Variants in CLEC10A observed in about 807,000 individuals in gnomAD.
CLEC10A encodes C-type lectin domain family 10 member A.
In CLEC10A, 38 loss-of-function variants were observed where a neutral mutation model predicts 42.0. The observed-to-expected ratio is 0.90, with a 90% CI of 0.70 to 1.18. The LOEUF (loss-of-function observed/expected upper bound fraction) is 1.18. Ranked by LOEUF, CLEC10A falls within the 50% of genes most tolerant of loss-of-function variation. The probability of loss-of-function intolerance (pLI) is 0.00; values close to 1 mark genes in which losing one functional copy is unlikely to be tolerated. For missense variants in CLEC10A, 298 were observed against 345.9 expected, an observed-to-expected ratio of 0.86 and a Z score of 1.10; for synonymous variants, 126 against 139.9, an observed-to-expected ratio of 0.90 and a Z score of 0.70.
In CLEC10A at chr17:7,078,073, A is replaced by G; in HGVS notation, c.108T>C (p.Ser36=). 5 of 1,613,942 alleles carry G rather than the reference A, an allele frequency of 3.1e-6. No homozygotes were observed. Among genetic ancestry groups the G allele is most frequent in the Non-Finnish European group, 4.2e-6 (5 of 1,179,882 alleles). The change falls in exon 3 of 9, where the codon TCT becomes TCC. Residue 36 remains serine (S), a synonymous_variant. Transcript: ENST00000416562. The part of the protein sequence containing the change: ...PLQSLLQRLC[S]GPCHLLLSLG... ...GGGACAGCAGGAGATGGCAGGGCCC[A>G]GAGCAGAGACGCTGCAGGAGGGACT... is the stretch of plus-strand genomic sequence containing the variant.
Position 7,076,854 on chromosome 17 carries a change from C to G in CLEC10A, c.280+38G>C, listed in dbSNP as rs767430516. The G allele has an allele frequency of 1.9e-5, 30 of 1,613,708 alleles. No individual in the cohort carries two copies. In the Admixed American group the frequency reaches 3.3e-4, roughly 18 times the overall value. ...AGGGGTCAACTTCCTCCTCCCTGGC[C>G]TGGCCCCAGCCCAGAGCCCCATCCA... On this transcript the variant is annotated intron_variant, in intron 4 of 8. Coordinates refer to ENST00000416562, the MANE Select transcript of CLEC10A (RefSeq NM_001330070.2).
In CLEC10A at chr17:7,076,788, T is replaced by G. The variant is rs1200113400; in HGVS notation, c.297A>C (p.Glu99Asp). The G allele has an allele frequency of 1.2e-6, 2 of 1,613,784 alleles. No individual in the cohort carries two copies. Among genetic ancestry groups the G allele is most frequent in the Admixed American group, 3.3e-5 (2 of 59,986 alleles). Reference sequence around the variant, plus strand: ...CCTCAGCTTTCAGAGATGCTATCGTTTCTTCCAAGCTGCTGCCTGGAGGAC... The same window carrying G: ...CCTCAGCTTTCAGAGATGCTATCGTGTCTTCCAAGCTGCTGCCTGGAGGAC... ...ALTSQGSSLE[E>D]TIASLKAEVE... Residue 99 changes from glutamate (E) to aspartate (D), a missense_variant, in exon 5 of 9, where the codon GAA (glutamate) becomes GAC (aspartate). By Grantham distance (45) the Glu-to-Asp change is conservative. Coordinates refer to ENST00000416562, the MANE Select transcript of CLEC10A (RefSeq NM_001330070.2).
chr17:7,079,005 A>C, intron 1 of CLEC10A, 120 bp from the exon 2 acceptor site: 1 of 615,210 alleles, frequency 1.6e-6, no homozygotes, highest in Non-Finnish European at 2.9e-6. Context: ...CTGGGTTTGC[A>C]GTCGAGTTAG....
intron 7 of CLEC10A, 27 bp from the exon 8 acceptor site, chr17:7,075,493 C>G (rs939574132): frequency 1.3e-6 from 2 of 1,522,496 alleles, no homozygotes; most frequent in African/African-American, 2.8e-5. Flanking sequence ...GCAGTGGTGA[C>G]TTCTTCCCAT....
Position 7,076,820 on chromosome 17 carries a change from A to G in CLEC10A, c.281-16T>C. ...AAGCTGCTGCCTGGAGGACACGGAG[A>G]CTTGGCTTAGGGGTCAACTTCCTCC... On this transcript the variant is annotated splice_polypyrimidine_tract_variant and intron_variant, in intron 4 of 8. Transcript: ENST00000416562. The G allele has an allele frequency of 6.2e-7, 1 of 1,613,732 alleles. No individual in the cohort carries two copies. The highest frequency in any genetic ancestry group is 8.5e-7 in the Non-Finnish European group (1 of 1,179,916).
chr17:7,076,445 A>G (rs1239601465), intron 5 of CLEC10A, among the ~76,000 whole-genome samples: 1 of 150,300 alleles, frequency 6.7e-6, no homozygotes, highest in African/African-American at 2.5e-5. Flanking sequence ...CTAGTAGCTG[A>G]GATTACAGGC....
intron 1 of CLEC10A, among the ~76,000 whole-genome samples, chr17:7,079,767 G>A (rs1399440784): frequency 6.6e-6 from 1 of 151,708 alleles, no homozygotes; most frequent in Non-Finnish European, 1.5e-5. Context: ...GTTGTGCAAC[G>A]AGGCCGTCTC....
intron 8 of CLEC10A, 59 bp downstream of exon 8, chr17:7,075,301 A>AGATCCCT: frequency 6.6e-7 from 1 of 1,507,012 alleles, no homozygotes; most frequent in Non-Finnish European, 8.9e-7. Context: ...GCTGCCAGTC[A>AGATCCCT]GATCCCTGGG....
rs201054202 is a variant in CLEC10A, at chr17:7,075,037, G to A, written c.*17C>T. 41 of 1,530,034 alleles carry A rather than the reference G, an allele frequency of 2.7e-5. 1 individual carries two copies. In the African/African-American group the frequency reaches 5.1e-4, roughly 19 times the overall value. 94.8% of individuals were successfully genotyped at this position (1,530,034 alleles called of 1,614,324 possible). A position where few individuals can be genotyped will look rare whatever the true frequency, so the allele number is the denominator to read the frequency against. ...CCACCGCCATTTCTGTGGCCGGGTG[G>A]TCCCACCAAAGGCAGCTCAGTGACT... On this transcript the variant is annotated 3_prime_UTR_variant, in exon 9 of 9. Transcript: ENST00000416562.
rs1048226570 is a variant in CLEC10A, at chr17:7,077,920, T to G, written c.184+77A>C. The G allele has an allele frequency of 5.4e-6, 6 of 1,119,402 alleles. No homozygotes were observed. The African/African-American group carries it at 6.3e-5, about 12-fold the overall frequency. 69.3% of individuals were successfully genotyped at this position (1,119,402 alleles called of 1,614,324 possible). ...GTGGACCTCACCATCGCCCCACCAC[T>G]GCCCTACTGTAGCACCCCATTATTT... is the stretch of plus-strand genomic sequence containing the variant. On this transcript the variant is annotated intron_variant, in intron 3 of 8. Transcript: ENST00000416562.
chr17:7,076,183 T>TTGGGGCC, intron 5 of CLEC10A, 112 bp from the exon 6 acceptor site: 1 of 1,589,650 alleles, frequency 6.3e-7, no homozygotes, highest in Non-Finnish European at 8.6e-7. Flanking sequence ...GAATGTTCCT[T>TTGGGGCC]CCCGCCCCCA....
chr17:7,078,503 C>A (rs970752263), intron 2 of CLEC10A: 4 of 558,604 alleles, frequency 7.2e-6, no homozygotes, highest in Non-Finnish European at 9.6e-6. Context: ...TTTCCCTCCA[C>A]CAATGCGCAG....
Position 7,074,982 on chromosome 17 carries a change from T to C in CLEC10A, c.*72A>G. 1 of 1,322,890 alleles carries C rather than the reference T, an allele frequency of 7.6e-7. No individual in the cohort carries two copies. Among genetic ancestry groups the C allele is most frequent in the Middle Eastern group, 2.8e-4 (1 of 3,556 alleles). The allele number at this position is 1,322,890 out of a possible 1,614,324, so 81.9% of individuals were successfully genotyped here. ...GCTTATTTCTCTCCCAGAGCGGTCT[T>C]GCGAGGAGGTCGTGAGAAGAGTCCT... On this transcript the variant is annotated 3_prime_UTR_variant, in exon 9 of 9. Coordinates refer to ENST00000416562, the MANE Select transcript of CLEC10A (RefSeq NM_001330070.2).
chr17:7,076,246 T>G, intron 5 of CLEC10A, 175 bp from the exon 6 acceptor site: 1 of 1,153,306 alleles, frequency 8.7e-7, no homozygotes, highest in Non-Finnish European at 1.2e-6. Context: ...TTTGGATTCC[T>G]CTGCCCCTGT....
chr17:7,075,448 G>A lies in CLEC10A; in HGVS notation c.613C>T (p.Leu205=), dbSNP rs150484759. ...CCCATCCAGGTGTATGCGGAGCCTA[G>A]ATATTTCTGGACAAAATTCTGCGGT... ...REEQNFVQKY[L]GSAYTWMGLS... The change falls in exon 8 of 9, where the codon CTA becomes TTA. Residue 205 remains leucine (L), a synonymous_variant. Coordinates refer to ENST00000416562, the MANE Select transcript of CLEC10A (RefSeq NM_001330070.2). 3.9e-6 allele frequency: 6 copies of A among 1,530,960 alleles called. No homozygotes were observed. In the African/African-American group the frequency reaches 6.9e-5, roughly 18 times the overall value. The allele number at this position is 1,530,960 out of a possible 1,614,324, so 94.8% of individuals were successfully genotyped here.
Position 7,076,898 on chromosome 17 carries a change from A to G in CLEC10A, c.274T>C (p.Ser92Pro), listed in dbSNP as rs780514851. 8 of 1,613,786 alleles carry G rather than the reference A, an allele frequency of 5.0e-6. No homozygotes were observed. Among genetic ancestry groups the G allele is most frequent in the Admixed American group, 3.3e-5 (2 of 59,966 alleles). Reference sequence around the variant, plus strand: ...CCATCCAAACCAGACTCACCCTGGGAAGTCAGTGCCTGGATCTCCGCCACA... The same window carrying G: ...CCATCCAAACCAGACTCACCCTGGGGAGTCAGTGCCTGGATCTCCGCCACA... ...NTVAEIQALT[S>P]QGSSLEETIA... Residue 92 changes from serine (S) to proline (P), a missense_variant, in exon 4 of 9, where the codon TCC becomes CCC. Around this residue, in one of 3 missense-constraint regions of CLEC10A, gnomAD observed 267 missense variants for 289.5 expected, o/e 0.92. Coordinates refer to ENST00000416562, the MANE Select transcript of CLEC10A (RefSeq NM_001330070.2).
At chr17:7,079,252 T>C (rs1282648343) in intron 1 of CLEC10A, among the ~76,000 whole-genome samples, 1 of 152,088 alleles carries the variant, frequency 6.6e-6, no homozygotes, top group African/African-American at 2.4e-5. Context: ...GGTGTTAAAA[T>C]TCAAGTTGAT....
intron 6 of CLEC10A, 35 bp from the exon 7 acceptor site, chr17:7,075,920 T>C: frequency 1.2e-6 from 2 of 1,611,314 alleles, no homozygotes; most frequent in Non-Finnish European, 1.7e-6. Context: ...GTGGAGAGGC[T>C]GAGGCTCTGC....
rs79945463 is a variant in CLEC10A at position 7,075,797 on chromosome 17, G to A, written c.528C>T (p.Ala176=). 8.2e-5 allele frequency: 132 copies of A among 1,614,136 alleles called. 1 individual carries two copies. In the East Asian group the frequency reaches 2.7e-3, roughly 33 times the overall value. Residue 176 remains alanine (A), a synonymous_variant, in exon 7 of 9, where the codon GCC becomes GCT. Coordinates refer to ENST00000416562, the MANE Select transcript of CLEC10A (RefSeq NM_001330070.2). Reference sequence around the variant, plus strand: ...TCAGCTGGCAGTACTTCTCAGCCTCGGCCCAGGACATCCCAGAGTGAGAGA... The same window carrying A: ...TCAGCTGGCAGTACTTCTCAGCCTCAGCCCAGGACATCCCAGAGTGAGAGA... The part of the protein sequence containing the change: ...YWFSHSGMSW[A]EAEKYCQLKN...
Sources: gnomAD v4.1 joint callset for allele counts (sites outside exome capture counted in the v4.1 genomes callset) on GRCh38, gnomAD v4.1.1 for gene constraint, gnomAD v4.1.1 regional missense constraint, MANE v1.5 for transcripts, NCBI Gene and HGNC (gene_info 2026-07-23, HGNC 2026-07-21) for gene names.